USP53: variants seen among roughly 807,000 people sequenced by gnomAD.
The protein encoded by USP53 is ubiquitin carboxyl-terminal hydrolase 53.
USP53 carries 71 observed loss-of-function variants against 94.9 expected under a neutral mutation model. The observed-to-expected ratio is 0.75, with a 90% CI of 0.62 to 0.91. The LOEUF (loss-of-function observed/expected upper bound fraction) is 0.91. Among genes scored for constraint, USP53 ranks in the 40% least tolerant of loss-of-function variants. USP53 has a pLI of 0.00. For missense variants in USP53, 1,173 were observed against 1,281.0 expected, an observed-to-expected ratio of 0.92 and a Z score of 1.29; for synonymous variants, 375 against 422.7, an observed-to-expected ratio of 0.89 and a Z score of 1.39.
chr4:119,216,610 G>A (rs563029878), intron 2 of USP53, among the ~76,000 whole-genome samples: 1 of 152,240 alleles, frequency 6.6e-6, no homozygotes, highest in East Asian at 1.9e-4. Flanking sequence ...CACTTATAAT[G>A]TGAAGTATTC....
rs750212922 is a variant in USP53 at position 119,292,756 on chromosome 4, C to G, written c.2767C>G (p.Pro923Ala). The change falls in exon 19 of 19, where the codon CCT (proline) becomes GCT (alanine). Residue 923 changes from proline to alanine, a missense_variant. By Grantham distance (27) the Pro-to-Ala change is conservative. Transcript: ENST00000692078. ...ACTTTTTTGCCAGAATCTACCACCCCCTTTGCCACCAAAGAAATATGCTAT... is the reference window on the plus strand; with the variant it reads ...ACTTTTTTGCCAGAATCTACCACCCGCTTTGCCACCAAAGAAATATGCTAT... ...PKLFCQNLPPPLPPKKYAITS... is the reference protein window; with the variant it reads ...PKLFCQNLPPALPPKKYAITS... 8 of 1,613,882 alleles carry G rather than the reference C, an allele frequency of 5.0e-6. No homozygotes were observed. Among genetic ancestry groups the G allele is most frequent in the African/African-American group, 4.0e-5 (3 of 74,870 alleles).
Position 119,271,417 on chromosome 4 carries a change from C to T in USP53, c.1557C>T (p.Asp519=), listed in dbSNP as rs1267461612. ...HSQGKGSYKH[D]RVVPQSRASA... ...AAGGAAAAGGATCATATAAACATGA[C>T]CGAGTTGTACCTCAGAGTCGAGCTT... The change falls in exon 16 of 19, where the codon GAC becomes GAT. Residue 519 remains aspartate, a synonymous_variant. Transcript: ENST00000692078. 1.9e-6 allele frequency: 3 copies of T among 1,613,740 alleles called. No individual in the cohort carries two copies. Among genetic ancestry groups the T allele is most frequent in the Admixed American group, 3.3e-5 (2 of 59,970 alleles).
intron 7 of USP53, 46 bp from the exon 8 acceptor site, chr4:119,256,200 C>T: frequency 1.4e-6 from 2 of 1,415,342 alleles, no homozygotes; most frequent in Non-Finnish European, 2.0e-6. Context: ...TTGCTGTGTT[C>T]CCTGCAAGAT....
intron 15 of USP53, among the ~76,000 whole-genome samples, chr4:119,270,140 C>A (rs1017934478): frequency 2.0e-5 from 3 of 150,818 alleles, no homozygotes; most frequent in African/African-American, 7.3e-5. Flanking sequence ...TCTTGTCCAG[C>A]CTAGAGTGCA....
intron 16 of USP53, chr4:119,272,755 G>A (rs964934019): frequency 3.9e-5 from 6 of 152,180 alleles, no homozygotes; most frequent in African/African-American, 1.4e-4. Context: ...TCTAACATTT[G>A]TAACTCAGAA....
At chr4:119,274,563 A>T (rs62328383) in intron 17 of USP53, among the ~76,000 whole-genome samples, 1 of 151,976 alleles carries the variant, frequency 6.6e-6, no homozygotes, top group Non-Finnish European at 1.5e-5. Context: ...ACATACGTGT[A>T]CATGTGTCTT....
At chr4:119,271,173 T>C (rs1751804743) in intron 15 of USP53, 123 bp from the exon 16 acceptor site, 2 of 1,416,476 alleles carry the variant, frequency 1.4e-6, no homozygotes, top group East Asian at 2.4e-5. Flanking sequence ...GTATGTGATA[T>C]GTACTTGTAA....
chr4:119,217,706 G>A (rs554156800), intron 3 of USP53, 33 bp downstream of exon 3: 2 of 152,242 alleles, frequency 1.3e-5, no homozygotes, highest in East Asian at 1.9e-4. Context: ...GGTAGAGATT[G>A]TGATGGTTTG....
intron 18 of USP53, among the ~76,000 whole-genome samples, 188 bp downstream of exon 18, chr4:119,291,449 TTGTC>T (rs66990949): frequency 0.1 from 15,923 of 152,062 alleles, 928 homozygotes; most frequent in Non-Finnish European, 0.13. Context: ...CAGTATCTGA[TTGTC>T]TGTTTCAATC....
intron 2 of USP53, among the ~76,000 whole-genome samples, chr4:119,215,008 T>C (rs1578394516): frequency 1.3e-5 from 2 of 152,336 alleles, no homozygotes; most frequent in East Asian, 1.9e-4. Flanking sequence ...AAGATCCTTT[T>C]TGACAGCTTT....
intron 14 of USP53, among the ~76,000 whole-genome samples, chr4:119,268,970 A>G (rs966760378): frequency 2.6e-5 from 4 of 152,196 alleles, no homozygotes; most frequent in African/African-American, 9.6e-5. Flanking sequence ...TCTTGTGTGG[A>G]TGTTCAGGAT....
chr4:119,241,777 T>C (rs922813217), intron 5 of USP53, among the ~76,000 whole-genome samples: 1 of 152,188 alleles, frequency 6.6e-6, no homozygotes, highest in African/African-American at 2.4e-5. Context: ...AAACACTTTG[T>C]TATTTCTTCA....
At chr4:119,267,620 T>G in intron 13 of USP53, 138 bp downstream of exon 13, 1 of 1,030,462 alleles carries the variant, frequency 9.7e-7, no homozygotes. Flanking sequence ...ATTTTAGTAA[T>G]TTTTGTTAGT....
chr4:119,291,146 C>A lies in USP53; in HGVS notation c.2252-19C>A, dbSNP rs771049309. The A allele has an allele frequency of 6.3e-6, 5 of 788,872 alleles. No individual in the cohort carries two copies. The highest frequency in any genetic ancestry group is 2.9e-5 in the East Asian group (1 of 34,684). 48.9% of individuals were successfully genotyped at this position (788,872 alleles called of 1,614,324 possible). ...ATTTTGTTTTCCTCATCTCTTCTCC[C>A]CACCCCACCCAACCCTAGGCTTTAG... On this transcript the variant is annotated intron_variant, in intron 17 of 18. Transcript: ENST00000692078.
chr4:119,290,444 G>A (rs558176137), intron 17 of USP53, among the ~76,000 whole-genome samples: 172 of 152,258 alleles, frequency 1.1e-3, no homozygotes, highest in African/African-American at 4.0e-3. Context: ...GAGTCATAAA[G>A]ATCTAATTCT....
chr4:119,263,787 C>T (rs1344270785), intron 12 of USP53, among the ~76,000 whole-genome samples: 1 of 152,024 alleles, frequency 6.6e-6, no homozygotes, highest in African/African-American at 2.4e-5. Context: ...TAAAACAAGG[C>T]CGGGCTGGTC....
At chr4:119,277,951 T>G (rs1415190653) in intron 17 of USP53, among the ~76,000 whole-genome samples, 4 of 134,590 alleles carry the variant, frequency 3.0e-5, no homozygotes, top group Non-Finnish European at 6.4e-5. Flanking sequence ...TCCATTGGCT[T>G]GGTAGATCTT....
chr4:119,256,410 A>G, intron 8 of USP53, 31 bp from the exon 9 acceptor site: 2 of 1,613,732 alleles, frequency 1.2e-6, no homozygotes, highest in African/African-American at 1.3e-5. Flanking sequence ...TTTATGATTG[A>G]TAGATTAAAC....
At chr4:119,282,510 G>T (rs1181672919) in intron 17 of USP53, among the ~76,000 whole-genome samples, 1 of 151,812 alleles carries the variant, frequency 6.6e-6, no homozygotes, top group East Asian at 1.9e-4. Context: ...ATCATATTGT[G>T]GTTTTGTGTA....
Sources: allele counts gnomAD v4.1 joint callset (sites outside exome capture counted in the v4.1 genomes callset), GRCh38; gene constraint gnomAD v4.1.1; transcripts MANE v1.5; gene names NCBI Gene and HGNC (gene_info 2026-07-23, HGNC 2026-07-21).